Variants in ANKRD13C observed in about 807,000 individuals in gnomAD.
ANKRD13C encodes the protein ankyrin repeat domain-containing protein 13C.
A neutral mutation model predicts 65.5 loss-of-function variants in ANKRD13C; 16 were observed. The ratio of observed to expected loss-of-function variants is 0.24; its 90% CI spans 0.17 to 0.37. ANKRD13C has a LOEUF of 0.37. ANKRD13C is among the 10% of genes least tolerant of loss of function. The pLI, the probability that ANKRD13C is intolerant of heterozygous loss-of-function variation, is 1.00. For missense variants in ANKRD13C, 503 were observed against 655.9 expected, an observed-to-expected ratio of 0.77 and a Z score of 2.55; for synonymous variants, 235 against 238.7, an observed-to-expected ratio of 0.98 and a Z score of 0.14.
intron 5 of ANKRD13C, among the ~76,000 whole-genome samples, chr1:70,312,199 A>C (rs1680876456): frequency 6.6e-6 from 1 of 152,190 alleles, no homozygotes. Context: ...TATATTGTAT[A>C]ATCTATTTTC....
At chr1:70,337,260 A>T (rs1241160936) in intron 1 of ANKRD13C, among the ~76,000 whole-genome samples, 8 of 152,116 alleles carry the variant, frequency 5.3e-5, no homozygotes, top group African/African-American at 1.7e-4. Context: ...AAATTTAGAA[A>T]ACAGCACAAA....
intron 2 of ANKRD13C, among the ~76,000 whole-genome samples, chr1:70,328,318 T>C (rs186424182): frequency 1.3e-5 from 2 of 152,260 alleles, no homozygotes; most frequent in Admixed American, 1.3e-4. Context: ...TGCTAAGTGA[T>C]AGAATTCATC....
chr1:70,316,537 A>G, intron 3 of ANKRD13C, among the ~76,000 whole-genome samples: 1 of 151,194 alleles, frequency 6.6e-6, no homozygotes, highest in East Asian at 1.9e-4. Context: ...AAAAAAAAAA[A>G]TTAGCCAGGG....
intron 12 of ANKRD13C, among the ~76,000 whole-genome samples, chr1:70,265,932 G>GGAA (rs1678609975): frequency 3.3e-5 from 5 of 149,748 alleles, no homozygotes; most frequent in South Asian, 2.1e-4. Context: ...GAGGGAGGAA[G>GGAA]GGAGGGAAGA....
intron 5 of ANKRD13C, among the ~76,000 whole-genome samples, chr1:70,311,485 TA>T (rs749788865): frequency 2.0e-4 from 31 of 151,904 alleles, no homozygotes; most frequent in Middle Eastern, 3.4e-3. Context: ...AATAAATAAA[TA>T]AATAAATGTC....
At chr1:70,269,263 G>A (rs1324563051) in intron 12 of ANKRD13C, among the ~76,000 whole-genome samples, 1 of 152,124 alleles carries the variant, frequency 6.6e-6, no homozygotes, top group Non-Finnish European at 1.5e-5. Context: ...TTCTACATCA[G>A]AGAAATGCCT....
Position 70,341,646 on chromosome 1 carries a change from C to G in ANKRD13C, c.431-5547G>C, listed in dbSNP as rs188508684. Among the ~76,000 whole-genome samples, 784 of 152,294 alleles carry G rather than the reference C, an allele frequency of 5.1e-3. 4 individuals are homozygous for G. The highest frequency in any genetic ancestry group is 0.031 in the Middle Eastern group (9 of 294). On this transcript the variant is annotated intron_variant, in intron 1 of 12. Transcript: ENST00000370944. ...AAGTGATGGGATTACAAGCATGAGC[C>G]ACTGCCAGCCCAGCCCCTTTTTGTG...
At position 70,354,292 on chromosome 1, in the gene ANKRD13C, G is replaced by A. The variant is rs1572201859; in HGVS notation, c.117C>T (p.Thr39=). The change falls in exon 1 of 13, where the codon ACC becomes ACT. Residue 39 remains threonine (T), a synonymous_variant. Coordinates refer to ENST00000370944, the MANE Select transcript of ANKRD13C (RefSeq NM_030816.5). Reference sequence around the variant, plus strand: ...TGCCGCCCTTGCCAATCCTGCTTCTGGTAAAGGTACCGCCGAGGGCAGCCG... The same window carrying A: ...TGCCGCCCTTGCCAATCCTGCTTCTAGTAAAGGTACCGCCGAGGGCAGCCG... ...EAAAALGGTF[T]RSRIGKGGKA... is the part of the protein sequence containing the mutation. 1 of 1,613,938 alleles carries A rather than the reference G, an allele frequency of 6.2e-7. No individual in the cohort carries two copies. The highest frequency in any genetic ancestry group is 8.5e-7 in the Non-Finnish European group (1 of 1,180,028).
At chr1:70,337,590 TAAATA>T (rs1553251645) in intron 1 of ANKRD13C, among the ~76,000 whole-genome samples, 8 of 151,104 alleles carry the variant, frequency 5.3e-5, no homozygotes, top group Non-Finnish European at 8.9e-5. Flanking sequence ...TCAAAATAAA[TAAATA>T]AAATAAAATA....
chr1:70,281,028 T>A (rs1022762295), intron 9 of ANKRD13C, among the ~76,000 whole-genome samples: 2 of 151,840 alleles, frequency 1.3e-5, no homozygotes, highest in African/African-American at 4.8e-5. Context: ...CTGGGGTAAA[T>A]AAGGAGATAA....
At chr1:70,342,462 C>T (rs1682350821) in intron 1 of ANKRD13C, among the ~76,000 whole-genome samples, 2 of 152,040 alleles carry the variant, frequency 1.3e-5, no homozygotes, top group Admixed American at 6.6e-5. Context: ...CGCTTGAACC[C>T]GGGAGGCAGA....
At chr1:70,265,059 C>T (rs546272650) in intron 12 of ANKRD13C, among the ~76,000 whole-genome samples, 2 of 151,986 alleles carry the variant, frequency 1.3e-5, no homozygotes, top group Non-Finnish European at 2.9e-5. Flanking sequence ...GATTAGCAGG[C>T]GATGAGGTCA....
At chr1:70,296,585 A>G (rs914986553) in intron 7 of ANKRD13C, among the ~76,000 whole-genome samples, 1 of 152,222 alleles carries the variant, frequency 6.6e-6, no homozygotes, top group African/African-American at 2.4e-5. Context: ...CCATAGAGCA[A>G]TTTTTAAAAA....
At chr1:70,348,131 C>A (rs898609393) in intron 1 of ANKRD13C, among the ~76,000 whole-genome samples, 2 of 151,840 alleles carry the variant, frequency 1.3e-5, no homozygotes, top group African/African-American at 4.8e-5. Flanking sequence ...ACATATTATT[C>A]TTTTGTATCA....
At chr1:70,353,861 C>T in intron 1 of ANKRD13C, 118 bp downstream of exon 1, 1 of 1,347,636 alleles carries the variant, frequency 7.4e-7, no homozygotes, top group East Asian at 2.6e-5. Context: ...TACCGAACGG[C>T]CCGGATGATG....
Position 70,281,396 on chromosome 1 carries a change from C to CTTT in ANKRD13C, c.1216-4555_1216-4553dup, listed in dbSNP as rs71583111. ...CTAGGTGTTATCATGTGACTAAATT[C>CTTT]TTTTTTTTTTTTTTTTTTTTTTTTG... On this transcript the variant is annotated intron_variant, in intron 9 of 12. Coordinates refer to ENST00000370944, the MANE Select transcript of ANKRD13C (RefSeq NM_030816.5). Among the ~76,000 whole-genome samples, 373 of 85,320 alleles carry CTTT rather than the reference C, an allele frequency of 4.4e-3. 8 individuals carry two copies. Among genetic ancestry groups the CTTT allele is most frequent in the African/African-American group, 0.013 (289 of 22,512 alleles). The allele number at this position is 85,320 out of a possible 152,430, so 56.0% of individuals were successfully genotyped here.
At chr1:70,317,345 A>G (rs1288700632) in intron 3 of ANKRD13C, among the ~76,000 whole-genome samples, 9 of 152,162 alleles carry the variant, frequency 5.9e-5, no homozygotes, top group African/African-American at 7.2e-5. Flanking sequence ...TCTGTGCCCA[A>G]TTGTTTGAGT....
chr1:70,338,353 A>G (rs1012347463), intron 1 of ANKRD13C, among the ~76,000 whole-genome samples: 35 of 152,254 alleles, frequency 2.3e-4, no homozygotes, highest in African/African-American at 7.7e-4. Flanking sequence ...TCATCCTACT[A>G]CTAACTAATA....
intron 12 of ANKRD13C, among the ~76,000 whole-genome samples, chr1:70,267,895 C>T (rs751303904): frequency 1.3e-5 from 2 of 152,002 alleles, no homozygotes; most frequent in East Asian, 1.9e-4. Context: ...AACTTATCTC[C>T]CTTCATGTCC....
Sources: gnomAD v4.1 joint callset for allele counts (sites outside exome capture counted in the v4.1 genomes callset) on GRCh38, gnomAD v4.1.1 for gene constraint, MANE v1.5 for transcripts, NCBI Gene and HGNC (gene_info 2026-07-23, HGNC 2026-07-21) for gene names.